RBFOX1: variants seen among roughly 807,000 people sequenced by gnomAD.
RBFOX1 encodes the protein RNA binding protein fox-1 homolog 1.
A neutral mutation model predicts 57.7 loss-of-function variants in RBFOX1; 8 were observed. That is an observed-to-expected ratio of 0.14 (90% confidence interval 0.08 to 0.25). The LOEUF is 0.25. Among genes scored for constraint, RBFOX1 ranks in the 10% least tolerant of loss-of-function variants. The pLI, the probability that RBFOX1 is intolerant of heterozygous loss-of-function variation, is 1.00. For synonymous variants in RBFOX1, 326 were observed against 222.4 expected (o/e 1.47, Z -4.15); for missense variants, 611 against 548.5 (o/e 1.11, Z -1.14).
intron 3 of RBFOX1, among the ~76,000 whole-genome samples, chr16:6,949,535 C>T (rs1309045456): frequency 1.3e-5 from 2 of 152,080 alleles, no homozygotes; most frequent in African/African-American, 4.8e-5. Context: ...GGCCTCTCTC[C>T]CTGGTTTACT....
chr16:5,604,188 A>G (rs145309041), downstream of RBFOX1, among the ~76,000 whole-genome samples: 981 of 152,314 alleles, frequency 6.4e-3, 7 homozygotes, highest in Middle Eastern at 0.014. Context: ...TTTCTGTAAT[A>G]AGAATACAAA....
intron 1 of RBFOX1, among the ~76,000 whole-genome samples, chr16:6,310,620 C>G (rs1038289120): frequency 1.1e-4 from 17 of 152,166 alleles, no homozygotes; most frequent in African/African-American, 4.1e-4. Flanking sequence ...AATAAGATAA[C>G]TGACTTTGAA....
intron 2 of RBFOX1, among the ~76,000 whole-genome samples, chr16:6,389,911 G>A (rs571884975): frequency 2.6e-5 from 4 of 152,272 alleles, no homozygotes; most frequent in East Asian, 1.9e-4. Flanking sequence ...CATCTGAGTC[G>A]CTGTCTCAGC....
At chr16:6,785,124 T>C (rs2081710723) in intron 3 of RBFOX1, among the ~76,000 whole-genome samples, 1 of 151,960 alleles carries the variant, frequency 6.6e-6, no homozygotes, top group African/African-American at 2.4e-5. Context: ...AAAATATTCA[T>C]TATTAAATAT....
intron 4 of RBFOX1, among the ~76,000 whole-genome samples, chr16:7,064,155 G>C (rs2055325842): frequency 3.6e-5 from 5 of 137,292 alleles, no homozygotes; most frequent in Admixed American, 3.2e-4. Context: ...CAGTATGACT[G>C]GTGTTCTTTT....
intron 3 of RBFOX1, among the ~76,000 whole-genome samples, chr16:6,672,210 C>T (rs113403009): frequency 2.0e-4 from 31 of 152,264 alleles, no homozygotes; most frequent in African/African-American, 7.2e-4. Context: ...ATACAAAGGT[C>T]ATTGAAATAT....
intron 11 of RBFOX1, among the ~76,000 whole-genome samples, chr16:7,637,995 T>C (rs566267535): frequency 2.0e-5 from 3 of 152,362 alleles, no homozygotes; most frequent in African/African-American, 7.2e-5. Context: ...TCCAGCACTA[T>C]TTCAATTTTG....
chr16:7,420,390 A>T (rs1196686199), intron 4 of RBFOX1, among the ~76,000 whole-genome samples: 2 of 152,210 alleles, frequency 1.3e-5, no homozygotes, highest in Admixed American at 1.3e-4. Context: ...AGGTATAAGA[A>T]GGAGGTTGGT....
intron 3 of RBFOX1, among the ~76,000 whole-genome samples, chr16:5,649,776 T>G (rs989366259): frequency 2.6e-5 from 4 of 152,238 alleles, no homozygotes; most frequent in Non-Finnish European, 5.9e-5. Flanking sequence ...CTGTTTTCAC[T>G]CAACAACTGC....
At chr16:6,884,864 C>G (rs1290490755) in intron 3 of RBFOX1, among the ~76,000 whole-genome samples, 2 of 152,198 alleles carry the variant, frequency 1.3e-5, no homozygotes, top group Non-Finnish European at 2.9e-5. Flanking sequence ...CTCCACTGCA[C>G]TCCAGCCTGC....
At chr16:6,807,873 C>T (rs907364432) in intron 3 of RBFOX1, among the ~76,000 whole-genome samples, 6 of 144,982 alleles carry the variant, frequency 4.1e-5, no homozygotes, top group African/African-American at 1.5e-4. Context: ...GTATATATAT[C>T]TAGTTCTGTT....
At chr16:5,445,474 A>G (rs1373293157) in intron 1 of RBFOX1, among the ~76,000 whole-genome samples, 2 of 152,224 alleles carry the variant, frequency 1.3e-5, no homozygotes, top group African/African-American at 4.8e-5. Flanking sequence ...AGTAGGTGAT[A>G]TTTGTTGGAT....
chr16:5,806,804 G>C (rs2055244153), intron 3 of RBFOX1, among the ~76,000 whole-genome samples: 1 of 152,170 alleles, frequency 6.6e-6, no homozygotes, highest in Admixed American at 6.5e-5. Context: ...GATGCTGTCA[G>C]CCCAGCTCAG....
intron 4 of RBFOX1, among the ~76,000 whole-genome samples, chr16:7,163,097 A>C (rs912975904): frequency 3.9e-5 from 6 of 152,208 alleles, no homozygotes; most frequent in African/African-American, 1.4e-4. Flanking sequence ...GGCACCCATA[A>C]ATAATTCCTA....
At chr16:6,078,125 G>T (rs139583455) in intron 1 of RBFOX1, among the ~76,000 whole-genome samples, 1 of 152,150 alleles carries the variant, frequency 6.6e-6, no homozygotes. Context: ...AAGAGTTGCT[G>T]TGTCCTTTCT....
chr16:6,664,669 G>A (rs1187624694), intron 3 of RBFOX1, among the ~76,000 whole-genome samples: 1 of 152,194 alleles, frequency 6.6e-6, no homozygotes, highest in Non-Finnish European at 1.5e-5. Flanking sequence ...TATGAATCCA[G>A]TGTCTGAAAT....
chr16:6,423,602 C>G (rs1262158731), intron 2 of RBFOX1, among the ~76,000 whole-genome samples: 1 of 151,550 alleles, frequency 6.6e-6, no homozygotes, highest in Non-Finnish European at 1.5e-5. Flanking sequence ...GACTCTGTCT[C>G]AAAATAAAAA....
rs144512824 is a variant in RBFOX1, at chr16:7,707,894, G to C, written c.996-1162G>C. Among the ~76,000 whole-genome samples, 12 of 152,236 alleles carry C rather than the reference G, an allele frequency of 7.9e-5. No individual in the cohort carries two copies. The South Asian group carries it at 1.9e-3, about 24-fold the overall frequency. On this transcript the variant is annotated intron_variant, in intron 14 of 15. Transcript: ENST00000550418. ...CCCATTCGGTAAGTCACTTGCACAG[G>C]AATCTATTCCAGTATCAGCTTTCAA...
At chr16:6,934,173 ATG>A (rs1447676193) in intron 3 of RBFOX1, among the ~76,000 whole-genome samples, 1 of 152,164 alleles carries the variant, frequency 6.6e-6, no homozygotes, top group East Asian at 1.9e-4. Flanking sequence ...TCCTAACAGT[ATG>A]TGCATACCTA....
Sources: gnomAD v4.1 joint callset for allele counts (sites outside exome capture counted in the v4.1 genomes callset) on GRCh38, gnomAD v4.1.1 for gene constraint, MANE v1.5 for transcripts, NCBI Gene and HGNC (gene_info 2026-07-23, HGNC 2026-07-21) for gene names.